The following CNTN3 variants were observed in gnomAD, a reference collection of about 807,000 sequenced individuals.
CNTN3 encodes contactin 3.
A neutral mutation model predicts 119.1 loss-of-function variants in CNTN3; 60 were observed. That is an observed-to-expected ratio of 0.50 (90% CI 0.41 to 0.62). The LOEUF (loss-of-function observed/expected upper bound fraction) is 0.62. Ranked by LOEUF, CNTN3 falls within the 20% of genes least tolerant of loss-of-function variation. The pLI is 0.00. For missense variants in CNTN3, 1,101 were observed against 1,242.4 expected (o/e 0.89, Z 1.71); for synonymous variants, 450 against 438.7 (o/e 1.03, Z -0.32).
At position 74,297,383 on chromosome 3, in the gene CNTN3, A is replaced by G. The variant is rs1575705743; in HGVS notation, c.2401+574T>C. On this transcript the variant is annotated intron_variant, in intron 18 of 22. Coordinates refer to ENST00000263665, the MANE Select transcript of CNTN3 (RefSeq NM_020872.3). Reference sequence around the variant, plus strand: ...TCAAGGTGTTAAGGACATGCCCAGAAGAAAAAAAAAACAAAACACGGGTGT... The same window carrying G: ...TCAAGGTGTTAAGGACATGCCCAGAGGAAAAAAAAAACAAAACACGGGTGT... Among the ~76,000 whole-genome samples the G allele has an allele frequency of 2.5e-5, 3 of 122,370 alleles. No individual in the cohort carries two copies. In the South Asian group the frequency reaches 1.0e-3, roughly 41 times the overall value. 80.3% of individuals were successfully genotyped at this position (122,370 alleles called of 152,430 possible).
chr3:74,526,568 AG>A (rs1287062967), intron 1 of CNTN3, among the ~76,000 whole-genome samples: 42 of 151,980 alleles, frequency 2.8e-4, no homozygotes, highest in African/African-American at 1.0e-3. Context: ...CTGGCCAGAT[AG>A]GTAATCAAAG....
intron 11 of CNTN3, among the ~76,000 whole-genome samples, chr3:74,345,067 A>G (rs1008300909): frequency 6.6e-6 from 1 of 152,030 alleles, no homozygotes; most frequent in African/African-American, 2.4e-5. Context: ...CTTCATTGAC[A>G]TTTTCTTTTA....
At chr3:74,266,152 T>A (rs948624041) in intron 22 of CNTN3, among the ~76,000 whole-genome samples, 2 of 152,062 alleles carry the variant, frequency 1.3e-5, no homozygotes, top group African/African-American at 4.8e-5. Context: ...CTATTAAAGA[T>A]CTAAAAGAAA....
At position 74,614,497 on chromosome 3, in the gene CNTN3, G is replaced by A. The variant is rs1446743427; in HGVS notation, c.-187C>T. 1.4e-5 allele frequency among the ~76,000 whole-genome samples: 2 copies of A among 145,858 alleles called. No homozygotes were observed. Among genetic ancestry groups the A allele is most frequent in the Non-Finnish European group, 3.0e-5 (2 of 65,832 alleles). On this transcript the variant is annotated 5_prime_UTR_variant, in exon 1 of 23. Coordinates refer to ENST00000263665, the MANE Select transcript of CNTN3 (RefSeq NM_020872.3). ...CCGCCGCAGTTAGTCCGGGCCCGGG[G>A]GGCCGCCGTGCGCGCCCGCGTAAGC...
In CNTN3 at chr3:74,546,216, C is replaced by T. The variant is rs140863994; in HGVS notation, c.-80-25024G>A. On this transcript the variant is annotated intron_variant, in intron 1 of 22. Coordinates refer to ENST00000263665, the MANE Select transcript of CNTN3 (RefSeq NM_020872.3). ...TTCACCGTGTTAACCAGGATTGTCT[C>T]GATCTCTTGACCTCATGATCAGCAC... 4.4e-3 allele frequency among the ~76,000 whole-genome samples: 665 copies of T among 152,182 alleles called. 11 individuals are homozygous for T. In the South Asian group the frequency reaches 0.054, roughly 12 times the overall value.
intron 1 of CNTN3, among the ~76,000 whole-genome samples, chr3:74,597,401 G>A (rs1238824575): frequency 6.6e-6 from 1 of 151,830 alleles, no homozygotes; most frequent in Non-Finnish European, 1.5e-5. Flanking sequence ...TGAATAAAGA[G>A]TAACCCAGAC....
rs1704080901 is a variant in CNTN3, at chr3:74,361,891, T to C, written c.1363A>G (p.Arg455Gly). The C allele has an allele frequency of 6.2e-7, 1 of 1,605,354 alleles. No homozygotes were observed. The highest frequency in any genetic ancestry group is 1.7e-5 in the Admixed American group (1 of 58,636). ...KGDVSVQEHE[R>G]ISLLNDGGLK... ...CCACTTTTCTGGACATCAAAATACC[T>C]TTCATGCTCCTGCACGCTCACATCC... Residue 455 changes from arginine (R) to glycine (G), a missense_variant and splice_region_variant, in exon 11 of 23, where the codon AGA becomes GGA. Transcript: ENST00000263665.
intron 1 of CNTN3, among the ~76,000 whole-genome samples, chr3:74,575,230 C>G (rs945689931): frequency 6.6e-6 from 1 of 151,944 alleles, no homozygotes; most frequent in African/African-American, 2.4e-5. Context: ...GAAGTGTTTT[C>G]TATCTATTAA....
At chr3:74,509,829 C>A (rs1026761205) in intron 2 of CNTN3, among the ~76,000 whole-genome samples, 2 of 152,042 alleles carry the variant, frequency 1.3e-5, no homozygotes, top group East Asian at 3.9e-4. Flanking sequence ...TTGTAGTAAT[C>A]GTTCCTCATT....
intron 13 of CNTN3, among the ~76,000 whole-genome samples, chr3:74,326,680 G>T (rs1432535445): frequency 6.6e-6 from 1 of 151,756 alleles, no homozygotes; most frequent in Non-Finnish European, 1.5e-5. Context: ...GATACTATTG[G>T]GTTTTGAGTA....
At chr3:74,496,626 T>G (rs6549604) in intron 3 of CNTN3, among the ~76,000 whole-genome samples, 1 of 151,878 alleles carries the variant, frequency 6.6e-6, no homozygotes, top group African/African-American at 2.4e-5. Context: ...TTAGCATTAG[T>G]TGATTGGACA....
intron 5 of CNTN3, among the ~76,000 whole-genome samples, chr3:74,395,865 C>T (rs1329142526): frequency 6.6e-6 from 1 of 152,110 alleles, no homozygotes; most frequent in Non-Finnish European, 1.5e-5. Context: ...CTCTGTGTCA[C>T]ACTTTGATAC....
At chr3:74,550,190 G>C (rs907218217) in intron 1 of CNTN3, among the ~76,000 whole-genome samples, 1 of 152,052 alleles carries the variant, frequency 6.6e-6, no homozygotes, top group Non-Finnish European at 1.5e-5. Context: ...CTTCAATAAG[G>C]GTGATGCTGC....
intron 13 of CNTN3, among the ~76,000 whole-genome samples, chr3:74,309,649 T>C (rs1266708745): frequency 6.6e-6 from 1 of 152,144 alleles, no homozygotes; most frequent in Non-Finnish European, 1.5e-5. Context: ...CAATGAGCAG[T>C]TAGGGTAAAA....
At chr3:74,558,008 C>A (rs1704097404) in intron 1 of CNTN3, among the ~76,000 whole-genome samples, 1 of 152,190 alleles carries the variant, frequency 6.6e-6, no homozygotes, top group Non-Finnish European at 1.5e-5. Flanking sequence ...TTACCCCAGC[C>A]TCTAGAAATA....
rs1491284899 is a variant in CNTN3, at chr3:74,327,105, C to CTTTTTTTTTTTTTTT, written c.1668+7629_1668+7630insAAAAAAAAAAAAAAA. ...CTAAAGTAGCTTATGAAGGGTTAATCCTTTTTTTTTTTTTTTTTTTTTTTT... is the reference window on the plus strand; with the variant it reads ...CTAAAGTAGCTTATGAAGGGTTAATCTTTTTTTTTTTTTTTCTTTTTTTTTTTTTTTTTTTTTTTT... On this transcript the variant is annotated intron_variant, in intron 13 of 22. Transcript: ENST00000263665. 6.7e-4 allele frequency among the ~76,000 whole-genome samples: 61 copies of CTTTTTTTTTTTTTTT among 90,694 alleles called. 1 individual carries two copies. The highest frequency in any genetic ancestry group is 1.6e-3 in the East Asian group (4 of 2,572). The allele number at this position is 90,694 out of a possible 152,430, so 59.5% of individuals were successfully genotyped here.
chr3:74,332,926 A>G (rs1421338133), intron 13 of CNTN3, among the ~76,000 whole-genome samples: 1 of 152,258 alleles, frequency 6.6e-6, no homozygotes, highest in Admixed American at 6.5e-5. Context: ...GGCCCAAGGA[A>G]GAAGAAATTG....
chr3:74,390,486 C>T (rs66552673), intron 5 of CNTN3, among the ~76,000 whole-genome samples: 39,453 of 149,820 alleles, frequency 0.26, 6,544 homozygotes, highest in Non-Finnish European at 0.36. Context: ...CTTTGAGCTG[C>T]TTTGGGGGAA....
chr3:74,349,717 AT>A (rs893387214), intron 11 of CNTN3, among the ~76,000 whole-genome samples: 3 of 152,152 alleles, frequency 2.0e-5, no homozygotes, highest in Non-Finnish European at 2.9e-5. Flanking sequence ...TTGCGTTAAT[AT>A]TTTTTTCTTT....
Sources: allele counts gnomAD v4.1 joint callset (sites outside exome capture counted in the v4.1 genomes callset), GRCh38; gene constraint gnomAD v4.1.1; transcripts MANE v1.5; gene names NCBI Gene and HGNC (gene_info 2026-07-23, HGNC 2026-07-21).